The following PCDHA2 variants were observed in gnomAD, a reference collection of about 807,000 sequenced individuals.
PCDHA2 encodes the protein protocadherin alpha-2.
A neutral mutation model predicts 66.0 loss-of-function variants in PCDHA2; 58 were observed. The ratio of observed to expected loss-of-function variants is 0.88; its 90% CI spans 0.71 to 1.09. PCDHA2 has a LOEUF of 1.09. PCDHA2 is among the 50% of genes least tolerant of loss of function. PCDHA2 has a pLI of 0.00. For missense variants in PCDHA2, 1,267 were observed against 1,242.3 expected (o/e 1.02, Z -0.30); for synonymous variants, 634 against 554.0 (o/e 1.14, Z -2.03).
chr5:140,833,215 A>G (rs1317399429), intron 1 of PCDHA2, among the ~76,000 whole-genome samples: 1 of 152,200 alleles, frequency 6.6e-6, no homozygotes, highest in Non-Finnish European at 1.5e-5. Context: ...ATAGGAATGG[A>G]CAGGTTACAC....
intron 1 of PCDHA2, among the ~76,000 whole-genome samples, chr5:140,953,962 T>C (rs2153701012): frequency 6.6e-6 from 1 of 152,196 alleles, no homozygotes; most frequent in Admixed American, 6.5e-5. Flanking sequence ...CAGGCCCCAG[T>C]GTGTGTTGTT....
intron 1 of PCDHA2, chr5:140,876,905 C>T (rs782526620): frequency 2.5e-6 from 4 of 1,614,032 alleles, no homozygotes; most frequent in Non-Finnish European, 3.4e-6. Context: ...TTCACGGTGT[C>T]GGCATGGGAC....
intron 1 of PCDHA2, chr5:140,882,249 T>C (rs1412428548): frequency 6.3e-7 from 1 of 1,595,264 alleles, no homozygotes; most frequent in Non-Finnish European, 8.5e-7. Flanking sequence ...CAGATAGCTC[T>C]GAGGTTTTTG....
chr5:140,941,841 A>G (rs1483251367), intron 1 of PCDHA2, among the ~76,000 whole-genome samples: 1 of 152,180 alleles, frequency 6.6e-6, no homozygotes, highest in Non-Finnish European at 1.5e-5. Flanking sequence ...TTAGGCTGCC[A>G]TTACCTGATA....
intron 1 of PCDHA2, among the ~76,000 whole-genome samples, chr5:140,936,879 C>A (rs2091197572): frequency 6.6e-6 from 1 of 152,054 alleles, no homozygotes; most frequent in African/African-American, 2.4e-5. Flanking sequence ...AAAAACCCTG[C>A]TTTGATTTTA....
At chr5:140,809,228 C>T (rs1764400715) in intron 1 of PCDHA2, 3 of 1,613,954 alleles carry the variant, frequency 1.9e-6, no homozygotes, top group Admixed American at 1.7e-5. Flanking sequence ...GGCCTCCTCA[C>T]GGGCGTTGGT....
Position 140,993,509 on chromosome 5 carries a change from CGGGGAGAGAG to C in PCDHA2, c.2536+10947_2536+10956del, listed in dbSNP as rs2097568307. Among the ~76,000 whole-genome samples, 3 of 143,488 alleles carry C rather than the reference CGGGGAGAGAG, an allele frequency of 2.1e-5. No homozygotes were observed. In the Admixed American group the frequency reaches 2.1e-4, roughly 10 times the overall value. 94.1% of individuals were successfully genotyped at this position (143,488 alleles called of 152,430 possible). A position where few individuals can be genotyped will look rare whatever the true frequency, so the allele number is the denominator to read the frequency against. On this transcript the variant is annotated intron_variant, in intron 3 of 3. Coordinates refer to ENST00000526136, the MANE Select transcript of PCDHA2 (RefSeq NM_018905.3). Reference sequence around the variant, plus strand: ...ACACACACACACACACACACACACACGGGGAGAGAGAGACAGAGAGAGAGAGAGATAGAGA... The same window carrying C: ...ACACACACACACACACACACACACACAGACAGAGAGAGAGAGAGATAGAGA...
rs2150177047 is a variant in PCDHA2, at chr5:140,829,888, C to A, written c.2388+32536C>A. 3 of 1,613,910 alleles carry A rather than the reference C, an allele frequency of 1.9e-6. No homozygotes were observed. The South Asian group carries it at 3.3e-5, about 18-fold the overall frequency. On this transcript the variant is annotated intron_variant, in intron 1 of 3. Transcript: ENST00000526136. ...TGGCGAAGGTGCGCGCAGTTGACGCCGACTCAGGCTACAACGCGTGGCTTT... is the reference window on the plus strand; with the variant it reads ...TGGCGAAGGTGCGCGCAGTTGACGCAGACTCAGGCTACAACGCGTGGCTTT...
At chr5:140,815,804 A>G (rs1328932785) in intron 1 of PCDHA2, 1 of 152,128 alleles carries the variant, frequency 6.6e-6, no homozygotes, top group Non-Finnish European at 1.5e-5. Context: ...TTAACTGGGA[A>G]GGTCTTTATC....
At chr5:140,948,857 T>C (rs1554218731) in intron 1 of PCDHA2, among the ~76,000 whole-genome samples, 2 of 151,686 alleles carry the variant, frequency 1.3e-5, no homozygotes. Flanking sequence ...TGCCTTCTTA[T>C]ATTACTTCGG....
Position 140,796,260 on chromosome 5 carries a change from G to A in PCDHA2, c.1296G>A (p.Ser432=), listed in dbSNP as rs1554119795. The A allele has an allele frequency of 2.5e-6, 4 of 1,613,976 alleles. No homozygotes were observed. Among genetic ancestry groups the A allele is most frequent in the Middle Eastern group, 1.6e-4 (1 of 6,068 alleles). Residue 432 remains serine, a synonymous_variant, in exon 1 of 4, where the codon TCG becomes TCA. Transcript: ENST00000526136. ...ELVVTARDGG[S]PSLWATTSVS... is the part of the protein sequence containing the mutation. ...TGGTGACCGCACGGGACGGGGGCTC[G>A]CCTTCACTGTGGGCCACCACCAGCG...
chr5:140,870,358 G>A (rs201159213), intron 1 of PCDHA2: 4 of 1,614,098 alleles, frequency 2.5e-6, no homozygotes, highest in Non-Finnish European at 3.4e-6. Context: ...GAACGTGTGG[G>A]CCTATGAACT....
At position 140,794,929 on chromosome 5, in the gene PCDHA2, G is replaced by C; in HGVS notation, c.-36G>C. 3 of 1,559,998 alleles carry C rather than the reference G, an allele frequency of 1.9e-6. No homozygotes were observed. Among genetic ancestry groups the C allele is most frequent in the African/African-American group, 1.4e-5 (1 of 72,488 alleles). On this transcript the variant is annotated 5_prime_UTR_variant, in exon 1 of 4. It removes an upstream start codon present in the reference 5' UTR. Coordinates refer to ENST00000526136, the MANE Select transcript of PCDHA2 (RefSeq NM_018905.3). Reference sequence around the variant, plus strand: ...GAATATTTAAATTTTTGCAAAACATGCTCTTCTAATTTGATCAAAACATTG... The same window carrying C: ...GAATATTTAAATTTTTGCAAAACATCCTCTTCTAATTTGATCAAAACATTG...
intron 1 of PCDHA2, chr5:140,858,026 G>A (rs2045118018): frequency 6.3e-7 from 1 of 1,597,020 alleles, no homozygotes; most frequent in Non-Finnish European, 8.6e-7. Context: ...GTCGCTGACG[G>A]CCACGGCCAC....
chr5:140,967,053 G>A (rs1563359791), intron 1 of PCDHA2: 4 of 1,612,648 alleles, frequency 2.5e-6, no homozygotes, highest in Non-Finnish European at 3.4e-6. Flanking sequence ...GACCTGACGA[G>A]TGGAGCGCTC....
chr5:140,996,196 A>G (rs2097716509), intron 3 of PCDHA2, among the ~76,000 whole-genome samples: 2 of 152,216 alleles, frequency 1.3e-5, no homozygotes, highest in South Asian at 2.1e-4. Context: ...TATACCCTCA[A>G]TGCAAGGATA....
At chr5:140,897,050 G>C (rs1269082503) in intron 1 of PCDHA2, among the ~76,000 whole-genome samples, 1 of 152,014 alleles carries the variant, frequency 6.6e-6, no homozygotes, top group African/African-American at 2.4e-5. Flanking sequence ...CTATTCTGCT[G>C]TCAAATACTA....
In PCDHA2 at chr5:140,851,279, A is replaced by G. The variant is rs1554145338; in HGVS notation, c.2388+53927A>G. On this transcript the variant is annotated intron_variant, in intron 1 of 3. Transcript: ENST00000526136. ...ATTTTAGTCTACTTGTATTGTTTAT[A>G]AGAAACCCAAGCAAAAATATATAGC... 2.9e-6 allele frequency: 3 copies of G among 1,045,342 alleles called. 1 individual carries two copies. In the African/African-American group the frequency reaches 5.0e-5, roughly 17 times the overall value. The allele number at this position is 1,045,342 out of a possible 1,614,324, so 64.8% of individuals were successfully genotyped here.
chr5:140,995,893 A>G (rs1038677586), intron 3 of PCDHA2, among the ~76,000 whole-genome samples: 3 of 152,182 alleles, frequency 2.0e-5, no homozygotes, highest in Non-Finnish European at 4.4e-5. Flanking sequence ...AGATTTATCA[A>G]TGTATAAAAG....
Sources: allele counts gnomAD v4.1 joint callset (sites outside exome capture counted in the v4.1 genomes callset), GRCh38; gene constraint gnomAD v4.1.1; transcripts MANE v1.5; gene names NCBI Gene and HGNC (gene_info 2026-07-23, HGNC 2026-07-21).